DLD: variants seen among roughly 807,000 people sequenced by gnomAD.
DLD encodes the protein dihydrolipoamide dehydrogenase, also known as dihydrolipoyl dehydrogenase, mitochondrial.
In DLD, 36 loss-of-function variants were observed where a neutral mutation model predicts 62.2. The observed-to-expected ratio is 0.58, with a 90% CI of 0.44 to 0.76. DLD has a LOEUF of 0.76. Among genes scored for constraint, DLD ranks in the 30% least tolerant of loss-of-function variants. The probability of loss-of-function intolerance (pLI) is 0.00; values close to 1 mark genes in which losing one functional copy is unlikely to be tolerated. For synonymous variants in DLD, 204 were observed against 199.6 expected, an observed-to-expected ratio of 1.02 and a Z score of -0.19; for missense variants, 541 against 608.6, an observed-to-expected ratio of 0.89 and a Z score of 1.17.
At chr7:107,898,073 C>T (rs909025449) in intron 2 of DLD, among the ~76,000 whole-genome samples, 1 of 151,854 alleles carries the variant, frequency 6.6e-6, no homozygotes, top group Non-Finnish European at 1.5e-5. Context: ...TTAAGTCAGT[C>T]ACCTCTTATT....
At chr7:107,902,481 C>A in intron 4 of DLD, 88 bp downstream of exon 4, 1 of 1,139,332 alleles carries the variant, frequency 8.8e-7, no homozygotes. Context: ...GACAAATACA[C>A]TTGTTAAAAA....
chr7:107,902,021 T>C (rs2031887921), intron 3 of DLD, among the ~76,000 whole-genome samples: 1 of 152,226 alleles, frequency 6.6e-6, no homozygotes, highest in Non-Finnish European at 1.5e-5. Flanking sequence ...AGTTTTCTTC[T>C]CTTCCCAGTA....
chr7:107,916,274 G>A (rs1354563280), intron 9 of DLD, among the ~76,000 whole-genome samples: 1 of 152,094 alleles, frequency 6.6e-6, no homozygotes, highest in South Asian at 2.1e-4. Flanking sequence ...TTATTATACT[G>A]TGGTTTTTGT....
rs2032398203 is a variant in DLD at position 107,921,034 on chromosome 7, C to G, written c.*1775C>G. On this transcript the variant is annotated 3_prime_UTR_variant, in exon 14 of 14. Transcript: ENST00000205402. Reference sequence around the variant, plus strand: ...TGTAAATCTCAACATATCCCTTACTCAGGGAAAAAAAAGTTTTTAGTTAGG... The same window carrying G: ...TGTAAATCTCAACATATCCCTTACTGAGGGAAAAAAAAGTTTTTAGTTAGG... The G allele has an allele frequency of 6.6e-6, 1 of 151,936 alleles. No individual in the cohort carries two copies. Among genetic ancestry groups the G allele is most frequent in the African/African-American group, 2.4e-5 (1 of 41,318 alleles). The allele number at this position is 151,936 out of a possible 1,614,324, so 9.4% of individuals were successfully genotyped here.
intron 8 of DLD, 96 bp downstream of exon 8, chr7:107,906,464 C>G: frequency 1.3e-6 from 1 of 796,040 alleles, no homozygotes; most frequent in Non-Finnish European, 2.2e-6. Flanking sequence ...ACAGGCTGAT[C>G]AGCATTGAGT....
At position 107,916,740 on chromosome 7, in the gene DLD, C is replaced by G. The variant is rs116765230; in HGVS notation, c.876-54C>G. 1.6e-3 allele frequency: 2,506 copies of G among 1,535,234 alleles called. 34 individuals are homozygous for G. In the African/African-American group the frequency reaches 0.029, roughly 18 times the overall value. The stretch of plus-strand genomic sequence containing the variant: ...AAATTGCTGGCCTTAAATTTCTAAG[C>G]CTATCAATTTATGTAGGTGTGTATT... On this transcript the variant is annotated intron_variant, in intron 9 of 13. Transcript: ENST00000205402.
In DLD at chr7:107,906,378, G is replaced by A. The variant is rs1345267865; in HGVS notation, c.684+10G>A. 1.9e-6 allele frequency: 3 copies of A among 1,559,004 alleles called. No homozygotes were observed. The African/African-American group carries it at 4.1e-5, about 21-fold the overall frequency. On this transcript the variant is annotated intron_variant, in intron 8 of 13. Transcript: ENST00000205402. Reference sequence around the variant, plus strand: ...AATAGGTGTAGAATTGGTAAGTGTTGTCTTTCTGCCTCTTATTACCTCCTT... The same window carrying A: ...AATAGGTGTAGAATTGGTAAGTGTTATCTTTCTGCCTCTTATTACCTCCTT...
At position 107,917,940 on chromosome 7, in the gene DLD, T is replaced by C; in HGVS notation, c.1253T>C (p.Val418Ala). The change falls in exon 12 of 14, where the codon GTT becomes GCT. Residue 418 changes from valine to alanine, a missense_variant. Val to Ala is a moderately conservative substitution (Grantham distance 64). Transcript: ENST00000205402. ...QLKEEGIEYK[V>A]GKFPFAANSR... Reference sequence around the variant, plus strand: ...CTGTCACAGGGTATTGAGTACAAAGTTGGGAAATTCCCATTTGCTGCTAAC... The same window carrying C: ...CTGTCACAGGGTATTGAGTACAAAGCTGGGAAATTCCCATTTGCTGCTAAC... 6.2e-7 allele frequency: 1 copy of C among 1,614,064 alleles called. No homozygotes were observed. The highest frequency in any genetic ancestry group is 8.5e-7 in the Non-Finnish European group (1 of 1,179,936).
At chr7:107,893,060 T>C (rs1321690790) in intron 1 of DLD, 140 bp from the exon 2 acceptor site, 3 of 578,928 alleles carry the variant, frequency 5.2e-6, no homozygotes, top group African/African-American at 1.9e-5. Context: ...GATCTGTAGC[T>C]TCTGTGTGGC....
chr7:107,912,851 T>C (rs1468164827), intron 8 of DLD, among the ~76,000 whole-genome samples: 1 of 152,186 alleles, frequency 6.6e-6, no homozygotes, highest in East Asian at 1.9e-4. Flanking sequence ...GCTTTTGAGG[T>C]CTTACACAGT....
At chr7:107,915,407 G>A (rs1022157808) in intron 8 of DLD, 99 bp from the exon 9 acceptor site, 8 of 1,347,724 alleles carry the variant, frequency 5.9e-6, no homozygotes, top group Middle Eastern at 1.9e-4. Flanking sequence ...ACATACTAGC[G>A]AAAGAAGAAA....
intron 8 of DLD, among the ~76,000 whole-genome samples, chr7:107,909,325 CAATT>C (rs933076328): frequency 6.6e-6 from 1 of 152,112 alleles, no homozygotes. Flanking sequence ...GGAAGTATGA[CAATT>C]AAGGCATGCA....
At chr7:107,902,299 T>C in intron 3 of DLD, 26 bp from the exon 4 acceptor site, 1 of 1,597,214 alleles carries the variant, frequency 6.3e-7, no homozygotes. Context: ...TTATGTGCAG[T>C]TAAATAATGT....
At chr7:107,891,133 T>C (rs1228359393), upstream of DLD, 4 of 1,341,588 alleles carry the variant, frequency 3.0e-6, no homozygotes, top group African/African-American at 2.9e-5. Context: ...ATCGCGCTGC[T>C]CCCGGGTGAT....
chr7:107,902,218 A>G (rs1584462341), intron 3 of DLD, 107 bp from the exon 4 acceptor site: 1 of 981,544 alleles, frequency 1.0e-6, no homozygotes, highest in South Asian at 1.3e-5. Flanking sequence ...GTGAAAACAT[A>G]GCCCGAATAG....
chr7:107,897,278 G>T (rs55750244), intron 2 of DLD, among the ~76,000 whole-genome samples: 3,671 of 152,166 alleles, frequency 0.024, 149 homozygotes, highest in African/African-American at 0.084. Flanking sequence ...GTTCTTGATT[G>T]TCCTGGAGAT....
At chr7:107,908,286 G>A (rs2032056762) in intron 8 of DLD, among the ~76,000 whole-genome samples, 1 of 151,526 alleles carries the variant, frequency 6.6e-6, no homozygotes, top group Non-Finnish European at 1.5e-5. Context: ...AAGTAGCTGA[G>A]ACTACAGGCG....
chr7:107,914,166 C>T (rs532672107), intron 8 of DLD, among the ~76,000 whole-genome samples: 30 of 152,168 alleles, frequency 2.0e-4, no homozygotes, highest in African/African-American at 7.0e-4. Flanking sequence ...CGGGGTTGAG[C>T]ATTTTTTAAT....
intron 8 of DLD, among the ~76,000 whole-genome samples, chr7:107,911,913 G>C (rs940622379): frequency 5.9e-5 from 9 of 151,860 alleles, no homozygotes; most frequent in African/African-American, 1.9e-4. Context: ...ATTAACACCA[G>C]CTCTTATTTA....
Sources: allele counts gnomAD v4.1 joint callset (sites outside exome capture counted in the v4.1 genomes callset), GRCh38; gene constraint gnomAD v4.1.1; transcripts MANE v1.5; gene names NCBI Gene and HGNC (gene_info 2026-07-23, HGNC 2026-07-21).